The following HACE1 variants were observed in gnomAD, a reference collection of about 807,000 sequenced individuals.
HACE1 encodes HECT domain and ankyrin repeat containing E3 ubiquitin protein ligase 1.
HACE1 carries 73 observed loss-of-function variants against 118.4 expected under a neutral mutation model. That is an observed-to-expected ratio of 0.62 (90% confidence interval 0.51 to 0.75). The LOEUF (loss-of-function observed/expected upper bound fraction) is 0.75. HACE1 is among the 30% of genes least tolerant of loss of function. HACE1 has a pLI of 0.00. For synonymous variants in HACE1, 368 were observed against 374.8 expected (o/e 0.98, Z 0.21); for missense variants, 749 against 1,102.2 (o/e 0.68, Z 4.54).
At position 104,763,737 on chromosome 6, in the gene HACE1, G is replaced by C. The variant is rs1211775225; in HGVS notation, c.2211+7456C>G. On this transcript the variant is annotated intron_variant, in intron 19 of 23. Transcript: ENST00000262903. The stretch of plus-strand genomic sequence containing the variant: ...ACAGCAGGCTTTCTGTTTCCATCTG[G>C]AATGCTTTGTTTTGATTAAAAGGTA... 2.6e-5 allele frequency among the ~76,000 whole-genome samples: 4 copies of C among 152,218 alleles called. No homozygotes were observed. In the East Asian group the frequency reaches 7.8e-4, roughly 30 times the overall value.
At chr6:104,769,198 C>A (rs774770072) in intron 19 of HACE1, among the ~76,000 whole-genome samples, 2 of 151,950 alleles carry the variant, frequency 1.3e-5, no homozygotes, top group Admixed American at 6.6e-5. Context: ...CTAGGCCTGG[C>A]TAATTTTTTT....
Position 104,791,532 on chromosome 6 carries a change from T to C in HACE1, c.1046A>G (p.Asn349Ser), listed in dbSNP as rs138917853. The C allele has an allele frequency of 5.6e-6, 9 of 1,613,358 alleles. No individual in the cohort carries two copies. The highest frequency in any genetic ancestry group is 6.8e-6 in the Non-Finnish European group (8 of 1,179,380). The stretch of plus-strand genomic sequence containing the variant: ...GAACACCTGGCTTCTTGGAGTTTTA[T>C]TCCCATTGTAGCCCATATCAATTCC... ...SNGIDMGYNG[N>S]KTPRSQVFKP... The change falls in exon 11 of 24, where the codon AAT (asparagine) becomes AGT (serine). Residue 349 changes from asparagine to serine, a missense_variant. By Grantham distance (46) the Asn-to-Ser change is conservative (BLOSUM62 1). This residue lies in a region of HACE1 where 267 missense variants were observed against 312.2 expected (regional missense o/e 0.86). Coordinates refer to ENST00000262903, the MANE Select transcript of HACE1 (RefSeq NM_020771.4).
intron 14 of HACE1, among the ~76,000 whole-genome samples, chr6:104,779,164 TAC>T (rs374003368): frequency 1.3e-5 from 2 of 152,180 alleles, no homozygotes; most frequent in Non-Finnish European, 2.9e-5. Context: ...TAGCAAATGA[TAC>T]AGACGGCAAG....
intron 4 of HACE1, among the ~76,000 whole-genome samples, chr6:104,845,058 A>G (rs532948911): frequency 6.6e-6 from 1 of 152,284 alleles, no homozygotes; most frequent in South Asian, 2.1e-4. Context: ...TGTTAAATAC[A>G]TATGTATTGT....
intron 19 of HACE1, among the ~76,000 whole-genome samples, chr6:104,767,501 C>T (rs1333294130): frequency 6.6e-6 from 1 of 152,168 alleles, no homozygotes; most frequent in Non-Finnish European, 1.5e-5. Context: ...CCATTTTTCA[C>T]ACTCCAAGCT....
At chr6:104,740,373 C>A (rs1776510097) in intron 22 of HACE1, among the ~76,000 whole-genome samples, 1 of 151,436 alleles carries the variant, frequency 6.6e-6, no homozygotes, top group Admixed American at 6.6e-5. Context: ...ATTAATGAAT[C>A]CAGGAGGTGG....
chr6:104,796,788 A>T (rs1432131322), intron 8 of HACE1, 32 bp from the exon 9 acceptor site: 3 of 1,286,732 alleles, frequency 2.3e-6, no homozygotes, highest in Non-Finnish European at 2.3e-6. Flanking sequence ...ATCCAGGTTT[A>T]AAAACAGTCC....
At chr6:104,850,095 G>A (rs1317486786) in intron 3 of HACE1, among the ~76,000 whole-genome samples, 6 of 151,698 alleles carry the variant, frequency 4.0e-5, no homozygotes, top group African/African-American at 7.3e-5. Context: ...GATTACAGGC[G>A]CACGCCATCA....
Position 104,776,813 on chromosome 6 carries a change from G to A in HACE1, c.1792C>T (p.Arg598Cys), listed in dbSNP as rs139231075. The change falls in exon 17 of 24, where the codon CGT (arginine) becomes TGT (cysteine). Residue 598 changes from arginine to cysteine, a missense_variant. By Grantham distance (180) the Arg-to-Cys change is radical (BLOSUM62 -3). This residue lies in a region of HACE1 where 195 missense variants were observed against 322.1 expected (regional missense o/e 0.61). Transcript: ENST00000262903. The stretch of plus-strand genomic sequence containing the variant: ...TTGGACAGAATATCAAACCACTCAC[G>A]CACAACACCTTGACCCTGAATTCAA... Reference protein sequence around the residue: ...GEEGMGQGVVREWFDILSNEI... With the variant: ...GEEGMGQGVVCEWFDILSNEI... The A allele has an allele frequency of 5.6e-6, 9 of 1,603,728 alleles. No individual in the cohort carries two copies. In the East Asian group the frequency reaches 1.1e-4, roughly 20 times the overall value.
intron 22 of HACE1, among the ~76,000 whole-genome samples, chr6:104,737,282 CAAAAAAAAA>C (rs59915070): frequency 2.3e-5 from 1 of 42,718 alleles, no homozygotes; most frequent in East Asian, 7.0e-4. Flanking sequence ...GACTCTCTCT[CAAAAAAAAA>C]AAAAAAAAAA....
chr6:104,795,667 G>A lies in HACE1; in HGVS notation c.835C>T (p.His279Tyr). The A allele has an allele frequency of 1.2e-6, 2 of 1,610,298 alleles. No homozygotes were observed. The highest frequency in any genetic ancestry group is 1.7e-6 in the Non-Finnish European group (2 of 1,176,694). ...TGGCTTTCACTTTGCTGAGACAAAT[G>A]CTCCAGAACTTGCCGTAACTAAATT... ...RENMLRQVLE[H>Y]LSQQSESQYL... The change falls in exon 10 of 24, where the codon CAT becomes TAT. Residue 279 changes from histidine (H) to tyrosine (Y), a missense_variant. His to Tyr is a moderately conservative substitution (Grantham distance 83). Transcript: ENST00000262903.
intron 19 of HACE1, among the ~76,000 whole-genome samples, chr6:104,753,438 G>C (rs980558848): frequency 2.0e-5 from 3 of 152,184 alleles, no homozygotes; most frequent in African/African-American, 7.2e-5. Flanking sequence ...CTTGTGACTT[G>C]TTAAGATCTC....
Position 104,750,492 on chromosome 6 carries a change from C to T in HACE1, c.2212-20G>A. On this transcript the variant is annotated intron_variant, in intron 19 of 23. Coordinates refer to ENST00000262903, the MANE Select transcript of HACE1 (RefSeq NM_020771.4). ...CTCCGCCTGTTGAAAAAGAAGTTTT[C>T]ATGATGACTTTTCAAAAACCTTTTA... 1 of 1,610,744 alleles carries T rather than the reference C, an allele frequency of 6.2e-7. No individual in the cohort carries two copies. Among genetic ancestry groups the T allele is most frequent in the Non-Finnish European group, 8.5e-7 (1 of 1,177,496 alleles).
At chr6:104,761,935 GAC>G (rs1779404752) in intron 19 of HACE1, among the ~76,000 whole-genome samples, 1 of 152,104 alleles carries the variant, frequency 6.6e-6, no homozygotes, top group African/African-American at 2.4e-5. Context: ...GCACCCAACA[GAC>G]ACATGAAAAA....
chr6:104,831,986 G>GAGAAGAGAAGAGAAGAGAA (rs1562471327), intron 6 of HACE1, among the ~76,000 whole-genome samples: 1 of 37,406 alleles, frequency 2.7e-5, no homozygotes, highest in South Asian at 1.2e-3. Flanking sequence ...AAGAGAGGAA[G>GAGAAGAGAAGAGAAGAGAA]GAAGGAAGGA....
chr6:104,729,478 T>A lies in HACE1; in HGVS notation c.*184A>T. 1 of 609,474 alleles carries A rather than the reference T, an allele frequency of 1.6e-6. No individual in the cohort carries two copies. The highest frequency in any genetic ancestry group is 2.9e-6 in the Non-Finnish European group (1 of 342,204). 37.8% of individuals were successfully genotyped at this position (609,474 alleles called of 1,614,324 possible). On this transcript the variant is annotated 3_prime_UTR_variant, in exon 24 of 24. Transcript: ENST00000262903. ...TGTGATTTTATATTTTCTAATTGTATCACAAACAGAGAAAACATAAAAGGG... is the reference window on the plus strand; with the variant it reads ...TGTGATTTTATATTTTCTAATTGTAACACAAACAGAGAAAACATAAAAGGG...
At chr6:104,746,014 T>C (rs1027937123) in intron 20 of HACE1, among the ~76,000 whole-genome samples, 14 of 152,322 alleles carry the variant, frequency 9.2e-5, no homozygotes, top group African/African-American at 2.9e-4. Context: ...AAGGGCCCAT[T>C]TGTCTTCTAC....
At chr6:104,775,804 C>T (rs1781174614) in intron 17 of HACE1, among the ~76,000 whole-genome samples, 1 of 152,190 alleles carries the variant, frequency 6.6e-6, no homozygotes, top group South Asian at 2.1e-4. Flanking sequence ...CACTTGCCTC[C>T]CCTAAAATCA....
chr6:104,754,055 G>A (rs1203047305), intron 19 of HACE1, among the ~76,000 whole-genome samples: 1 of 152,130 alleles, frequency 6.6e-6, no homozygotes. Flanking sequence ...GTTTAGAGAG[G>A]AACATAACAG....
Sources: gnomAD v4.1 joint callset for allele counts (sites outside exome capture counted in the v4.1 genomes callset) on GRCh38, gnomAD v4.1.1 for gene constraint, gnomAD v4.1.1 regional missense constraint, MANE v1.5 for transcripts, NCBI Gene and HGNC (gene_info 2026-07-23, HGNC 2026-07-21) for gene names.